Variants in MTHFD1L observed in about 807,000 individuals in gnomAD.
MTHFD1L encodes the protein monofunctional C1-tetrahydrofolate synthase, mitochondrial.
In MTHFD1L, 81 loss-of-function variants were observed where a neutral mutation model predicts 119.5. The ratio of observed to expected loss-of-function variants is 0.68; its 90% CI spans 0.57 to 0.82. The LOEUF is 0.82. Among genes scored for constraint, MTHFD1L ranks in the 40% least tolerant of loss-of-function variants. The pLI is 0.00. For missense variants in MTHFD1L, 1,125 were observed against 1,253.4 expected, an observed-to-expected ratio of 0.90 and a Z score of 1.55; for synonymous variants, 430 against 475.2, an observed-to-expected ratio of 0.90 and a Z score of 1.24.
chr6:150,890,647 C>T (rs1783094768), intron 7 of MTHFD1L, among the ~76,000 whole-genome samples: 1 of 152,142 alleles, frequency 6.6e-6, no homozygotes, highest in Non-Finnish European at 1.5e-5. Context: ...GCTCTTGCCT[C>T]CTCGGAAGAA....
At chr6:151,076,377 C>T (rs376796443) in intron 26 of MTHFD1L, among the ~76,000 whole-genome samples, 242 of 151,872 alleles carry the variant, frequency 1.6e-3, no homozygotes, top group East Asian at 5.0e-3. Context: ...GGGCTGGGCA[C>T]GGTGGCTCAC....
In MTHFD1L at chr6:151,036,971, G is replaced by A. The variant is rs1456921376; in HGVS notation, c.2701G>A (p.Gly901Arg). The A allele has an allele frequency of 1.2e-6, 2 of 1,611,972 alleles. No individual in the cohort carries two copies. The highest frequency in any genetic ancestry group is 2.2e-5 in the East Asian group (1 of 44,892). The change falls in exon 26 of 28, where the codon GGA (glycine) becomes AGA (arginine). Residue 901 changes from glycine to arginine, a missense_variant. Physicochemically the swap from Gly to Arg is moderately radical, Grantham distance 125. Around this residue, in one of 3 missense-constraint regions of MTHFD1L, gnomAD observed 1,058 missense variants for 1,151.2 expected, o/e 0.92. Coordinates refer to ENST00000367321, the MANE Select transcript of MTHFD1L (RefSeq NM_015440.5). Reference protein sequence around the residue: ...KIDRYTQQGFGNLPICMAKTH... With the variant: ...KIDRYTQQGFRNLPICMAKTH... ...TTTCTTTCCTTTCTCACAGGGTTTT[G>A]GAAATTTGCCCATCTGCATGGCAAA...
chr6:150,964,245 G>A (rs535478497), intron 18 of MTHFD1L, among the ~76,000 whole-genome samples: 5 of 152,212 alleles, frequency 3.3e-5, no homozygotes, highest in African/African-American at 9.6e-5. Flanking sequence ...CATGTTTTCC[G>A]CTAGTTCTCA....
chr6:150,949,160 C>G, intron 16 of MTHFD1L, 27 bp downstream of exon 16: 1 of 1,594,790 alleles, frequency 6.3e-7, no homozygotes, highest in Non-Finnish European at 8.6e-7. Flanking sequence ...TGCCAGCAGG[C>G]TGATGGCCAG....
At chr6:151,079,897 A>T (rs879716296) in intron 26 of MTHFD1L, among the ~76,000 whole-genome samples, 8 of 150,782 alleles carry the variant, frequency 5.3e-5, no homozygotes, top group Non-Finnish European at 8.9e-5. Context: ...AAATTAGGCC[A>T]GGCGTGGTGG....
In MTHFD1L at chr6:150,950,219, C is replaced by T. The variant is rs1008085920; in HGVS notation, c.1726+1086C>T. Reference sequence around the variant, plus strand: ...CGCAGAGCTTGGTCTTCAGGACACCCGCAGTGGCTTCCCTCACTCTGCTCC... The same window carrying T: ...CGCAGAGCTTGGTCTTCAGGACACCTGCAGTGGCTTCCCTCACTCTGCTCC... On this transcript the variant is annotated intron_variant, in intron 16 of 27. Transcript: ENST00000367321. Among the ~76,000 whole-genome samples the T allele has an allele frequency of 2.2e-4, 34 of 152,278 alleles. 1 individual carries two copies. The highest frequency in any genetic ancestry group is 7.0e-4 in the African/African-American group (29 of 41,570).
chr6:151,084,692 G>A (rs185419768), intron 26 of MTHFD1L, among the ~76,000 whole-genome samples: 7 of 152,168 alleles, frequency 4.6e-5, no homozygotes, highest in African/African-American at 1.2e-4. Context: ...CGGGCCGGGC[G>A]TGGTGGCTCA....
At chr6:150,965,430 G>T (rs1797049165) in intron 19 of MTHFD1L, among the ~76,000 whole-genome samples, 1 of 152,150 alleles carries the variant, frequency 6.6e-6, no homozygotes, top group Non-Finnish European at 1.5e-5. Flanking sequence ...TGAGGCCGAG[G>T]TGGGCGGATT....
At chr6:150,984,031 A>G (rs776287887) in intron 20 of MTHFD1L, among the ~76,000 whole-genome samples, 1 of 152,214 alleles carries the variant, frequency 6.6e-6, no homozygotes, top group East Asian at 1.9e-4. Context: ...TCAGCCTCCC[A>G]AAATGCTGGG....
At chr6:150,872,398 G>A in intron 1 of MTHFD1L, among the ~76,000 whole-genome samples, 1 of 152,042 alleles carries the variant, frequency 6.6e-6, no homozygotes, top group Admixed American at 6.6e-5. Context: ...AACACTTAGA[G>A]GCCACTGTAG....
At chr6:151,059,062 C>T (rs534990329) in intron 26 of MTHFD1L, among the ~76,000 whole-genome samples, 4 of 152,092 alleles carry the variant, frequency 2.6e-5, no homozygotes, top group South Asian at 2.1e-4. Context: ...CAGTGGTAAG[C>T]GCGCTGAAGG....
intron 26 of MTHFD1L, among the ~76,000 whole-genome samples, chr6:151,073,106 A>C (rs1031027675): frequency 3.3e-5 from 5 of 152,176 alleles, no homozygotes; most frequent in African/African-American, 4.8e-5. Flanking sequence ...AAAGAGCTCA[A>C]CTGTCTCCCT....
intron 11 of MTHFD1L, among the ~76,000 whole-genome samples, chr6:150,933,052 G>A (rs1791434601): frequency 6.6e-6 from 1 of 152,078 alleles, no homozygotes; most frequent in Non-Finnish European, 1.5e-5. Context: ...CTTTTTTATT[G>A]TAGCTCTCCT....
intron 21 of MTHFD1L, 90 bp downstream of exon 21, chr6:151,010,048 G>T: frequency 2.1e-6 from 3 of 1,422,352 alleles, no homozygotes; most frequent in Non-Finnish European, 2.8e-6. Context: ...CCCATTTAAT[G>T]ACTATAGTTT....
At position 151,034,607 on chromosome 6, in the gene MTHFD1L, G is replaced by A; in HGVS notation, c.2694+7G>A. On this transcript the variant is annotated splice_region_variant and intron_variant, in intron 25 of 27. Coordinates refer to ENST00000367321, the MANE Select transcript of MTHFD1L (RefSeq NM_015440.5). Reference sequence around the variant, plus strand: ...AGATCGTTACACTCAACAGGTAAAAGTTCTACTTTTAGGGGAAAAGAAAAA... The same window carrying A: ...AGATCGTTACACTCAACAGGTAAAAATTCTACTTTTAGGGGAAAAGAAAAA... 1 of 1,588,996 alleles carries A rather than the reference G, an allele frequency of 6.3e-7. No homozygotes were observed. Among genetic ancestry groups the A allele is most frequent in the Non-Finnish European group, 8.6e-7 (1 of 1,159,358 alleles).
intron 4 of MTHFD1L, among the ~76,000 whole-genome samples, chr6:150,878,092 G>C (rs955336966): frequency 6.6e-6 from 1 of 152,168 alleles, no homozygotes; most frequent in Non-Finnish European, 1.5e-5. Context: ...GTCATCTAGT[G>C]GAAATTGTCA....
intron 17 of MTHFD1L, 60 bp downstream of exon 17, chr6:150,956,131 G>A: frequency 6.6e-7 from 1 of 1,523,642 alleles, no homozygotes; most frequent in South Asian, 1.1e-5. Context: ...TACTGGCCTG[G>A]GAGCTCACTC....
intron 1 of MTHFD1L, chr6:150,866,563 C>T (rs1205116846): frequency 8.1e-7 from 1 of 1,231,576 alleles, no homozygotes; most frequent in Non-Finnish European, 1.0e-6. Context: ...TGTTGTGCGC[C>T]CTTCCCCGCG....
chr6:150,980,928 C>G (rs1045994811), intron 20 of MTHFD1L, among the ~76,000 whole-genome samples: 1 of 152,060 alleles, frequency 6.6e-6, no homozygotes, highest in African/African-American at 2.4e-5. Context: ...CAGACTTTCT[C>G]TGCTCGTGAC....
Sources: gnomAD v4.1 joint callset for allele counts (sites outside exome capture counted in the v4.1 genomes callset) on GRCh38, gnomAD v4.1.1 for gene constraint, gnomAD v4.1.1 regional missense constraint, MANE v1.5 for transcripts, NCBI Gene and HGNC (gene_info 2026-07-23, HGNC 2026-07-21) for gene names.